The following CHSY3 variants were observed in gnomAD, a reference collection of about 807,000 sequenced individuals.
CHSY3 encodes the protein chondroitin sulfate synthase 3, also known as N-acetylgalactosaminyl-proteoglycan 3-beta-glucuronosyltransferase 3.
In CHSY3, 35 loss-of-function variants were observed where a neutral mutation model predicts 67.2. The ratio of observed to expected loss-of-function variants is 0.52; its 90% confidence interval spans 0.40 to 0.69. The LOEUF is 0.69. CHSY3 is among the 30% of genes least tolerant of loss of function. The probability of loss-of-function intolerance (pLI) is 0.00; values close to 1 mark genes in which losing one functional copy is unlikely to be tolerated. For missense variants in CHSY3, 1,069 were observed against 1,138.5 expected (o/e 0.94, Z 0.88); for synonymous variants, 474 against 434.7 (o/e 1.09, Z -1.12).
intron 2 of CHSY3, among the ~76,000 whole-genome samples, chr5:129,920,379 A>C (rs1760880265): frequency 6.6e-6 from 1 of 152,094 alleles, no homozygotes; most frequent in Non-Finnish European, 1.5e-5. Flanking sequence ...CTGAGTAGCT[A>C]AGATTACAGA....
chr5:130,122,406 A>G (rs1768066528), intron 2 of CHSY3, among the ~76,000 whole-genome samples: 1 of 152,198 alleles, frequency 6.6e-6, no homozygotes, highest in South Asian at 2.1e-4. Flanking sequence ...CTTCTTAATG[A>G]TGAGTATTAT....
chr5:130,077,812 C>A (rs1766319966), intron 2 of CHSY3, among the ~76,000 whole-genome samples: 2 of 149,984 alleles, frequency 1.3e-5, no homozygotes, highest in Admixed American at 1.3e-4. Context: ...TATATATATA[C>A]ACACATATAT....
intron 2 of CHSY3, among the ~76,000 whole-genome samples, chr5:130,003,265 A>G (rs1173437332): frequency 6.6e-6 from 1 of 152,192 alleles, no homozygotes; most frequent in Non-Finnish European, 1.5e-5. Flanking sequence ...CCATGTTGTA[A>G]TGGAATTTGC....
At chr5:130,048,244 C>A (rs1052324139) in intron 2 of CHSY3, among the ~76,000 whole-genome samples, 4 of 151,850 alleles carry the variant, frequency 2.6e-5, no homozygotes, top group African/African-American at 7.2e-5. Flanking sequence ...ATTATTTTTA[C>A]TATTGTGATA....
At chr5:130,163,475 T>C (rs1395378166) in intron 2 of CHSY3, among the ~76,000 whole-genome samples, 1 of 152,160 alleles carries the variant, frequency 6.6e-6, no homozygotes, top group Non-Finnish European at 1.5e-5. Context: ...TAATGACACT[T>C]TCCCTTCAAC....
chr5:129,916,225 A>G (rs982605037), intron 2 of CHSY3, among the ~76,000 whole-genome samples: 6 of 152,218 alleles, frequency 3.9e-5, no homozygotes, highest in Non-Finnish European at 8.8e-5. Context: ...TTCTCTGGTG[A>G]GAACCCAGAG....
chr5:129,964,030 C>T (rs1046032116), intron 2 of CHSY3, among the ~76,000 whole-genome samples: 6 of 151,886 alleles, frequency 4.0e-5, no homozygotes, highest in African/African-American at 9.7e-5. Flanking sequence ...GGTATATTGC[C>T]AGTCAGAAAC....
chr5:130,184,449 A>G lies in CHSY3; in HGVS notation c.1307A>G (p.Asn436Ser). 1 of 1,613,478 alleles carries G rather than the reference A, an allele frequency of 6.2e-7. No individual in the cohort carries two copies. The highest frequency in any genetic ancestry group is 8.5e-7 in the Non-Finnish European group (1 of 1,179,418). The change falls in exon 3 of 3, where the codon AAC becomes AGC. Residue 436 changes from asparagine (N) to serine (S), a missense_variant. Physicochemically the swap from Asn to Ser is conservative, Grantham distance 46. Around this residue, in one of 5 missense-constraint regions of CHSY3, gnomAD observed 401 missense variants for 395.2 expected, o/e 1.01. Coordinates refer to ENST00000305031, the MANE Select transcript of CHSY3 (RefSeq NM_175856.5). ...AGTGCCCTGATGAGCAAGCTCAGTA[A>G]CACAGAAGTGAGCAAAGAGGACCAG... The part of the protein sequence containing the change: ...RESALMSKLS[N>S]TEVSKEDQQL...
intron 2 of CHSY3, among the ~76,000 whole-genome samples, chr5:130,061,906 A>T (rs1344976335): frequency 6.6e-6 from 1 of 151,970 alleles, no homozygotes; most frequent in East Asian, 1.9e-4. Context: ...AAAAAAACAG[A>T]TATTGGCATG....
chr5:130,155,717 C>T (rs1366487741), intron 2 of CHSY3, among the ~76,000 whole-genome samples: 1 of 152,128 alleles, frequency 6.6e-6, no homozygotes, highest in Non-Finnish European at 1.5e-5. Flanking sequence ...AGGGAGAGAT[C>T]CTAAGCTGGA....
In CHSY3 at chr5:130,161,204, G is replaced by A. The variant is rs370291026; in HGVS notation, c.1087-23025G>A. On this transcript the variant is annotated intron_variant, in intron 2 of 2. Coordinates refer to ENST00000305031, the MANE Select transcript of CHSY3 (RefSeq NM_175856.5). Reference sequence around the variant, plus strand: ...CAGGCGTGAGCCACCACGACCAGCCGATAGGTAATTGTTTTAATAGCACTT... The same window carrying A: ...CAGGCGTGAGCCACCACGACCAGCCAATAGGTAATTGTTTTAATAGCACTT... 2.2e-3 allele frequency among the ~76,000 whole-genome samples: 330 copies of A among 152,048 alleles called. 6 individuals are homozygous for A. The South Asian group carries it at 0.036, about 16-fold the overall frequency.
In CHSY3 at chr5:130,143,804, A is replaced by ATG. The variant is rs1554085944; in HGVS notation, c.1087-40419_1087-40418dup. On this transcript the variant is annotated intron_variant, in intron 2 of 2. Coordinates refer to ENST00000305031, the MANE Select transcript of CHSY3 (RefSeq NM_175856.5). ...TATGTGTATATATATATATATATAT[A>ATG]TGTGTGTATATATATATATATATAT... Among the ~76,000 whole-genome samples the ATG allele has an allele frequency of 3.0e-3, 114 of 37,382 alleles. 1 individual carries two copies. The highest frequency in any genetic ancestry group is 0.028 in the South Asian group (24 of 870). 24.5% of individuals were successfully genotyped at this position (37,382 alleles called of 152,430 possible).
intron 2 of CHSY3, among the ~76,000 whole-genome samples, chr5:130,143,777 T>G (rs1768964568): frequency 2.6e-5 from 2 of 76,944 alleles, no homozygotes; most frequent in African/African-American, 7.1e-5. Context: ...TGTATATATA[T>G]ATATGTGTAT....
chr5:130,007,109 TAAAC>T (rs913028477), intron 2 of CHSY3, among the ~76,000 whole-genome samples: 1 of 152,194 alleles, frequency 6.6e-6, no homozygotes, highest in Non-Finnish European at 1.5e-5. Context: ...TTAATGTACA[TAAAC>T]AAAATATTAT....
intron 2 of CHSY3, among the ~76,000 whole-genome samples, chr5:129,996,693 T>G (rs6872455): frequency 0.042 from 6,407 of 152,178 alleles, 433 homozygotes; most frequent in African/African-American, 0.15. Flanking sequence ...AAAGGAGATC[T>G]TATTATCTTT....
At chr5:130,003,330 TGTTA>T (rs1225462662) in intron 2 of CHSY3, among the ~76,000 whole-genome samples, 12 of 152,214 alleles carry the variant, frequency 7.9e-5, no homozygotes, top group Admixed American at 6.5e-4. Context: ...GACAGAAGGC[TGTTA>T]AAGGAGCAAT....
chr5:130,098,328 T>C (rs1767118656), intron 2 of CHSY3, among the ~76,000 whole-genome samples: 1 of 152,156 alleles, frequency 6.6e-6, no homozygotes, highest in South Asian at 2.1e-4. Flanking sequence ...CTTTCTCCTA[T>C]AACTTGGAAG....
At chr5:130,097,155 A>C (rs185031158) in intron 2 of CHSY3, among the ~76,000 whole-genome samples, 14 of 152,368 alleles carry the variant, frequency 9.2e-5, no homozygotes, top group Admixed American at 9.1e-4. Flanking sequence ...TGTAAATTAT[A>C]GTACAGTAAG....
intron 2 of CHSY3, among the ~76,000 whole-genome samples, chr5:130,006,194 G>A (rs895723646): frequency 6.6e-6 from 1 of 152,116 alleles, no homozygotes; most frequent in Non-Finnish European, 1.5e-5. Context: ...AAAACAAGGA[G>A]GAACATTTTC....
Sources: allele counts gnomAD v4.1 joint callset (sites outside exome capture counted in the v4.1 genomes callset), GRCh38; gene constraint gnomAD v4.1.1; regional missense constraint gnomAD v4.1.1; transcripts MANE v1.5; gene names NCBI Gene and HGNC (gene_info 2026-07-23, HGNC 2026-07-21).